HSPA12A: variants seen among roughly 807,000 people sequenced by gnomAD.
HSPA12A encodes heat shock 70 kDa protein 12A.
Under a neutral mutation model 69.2 loss-of-function variants are expected in HSPA12A, and 28 were observed. The ratio of observed to expected loss-of-function variants is 0.40; its 90% CI spans 0.30 to 0.55. The LOEUF (loss-of-function observed/expected upper bound fraction) is 0.55. Ranked by LOEUF, HSPA12A falls within the 20% of genes least tolerant of loss-of-function variation. The pLI is 0.38. For synonymous variants in HSPA12A, 345 were observed against 370.5 expected (o/e 0.93, Z 0.79); for missense variants, 686 against 900.7 (o/e 0.76, Z 3.05).
intron 2 of HSPA12A, among the ~76,000 whole-genome samples, chr10:116,815,217 G>A (rs1378980420): frequency 7.5e-6 from 1 of 133,390 alleles, no homozygotes; most frequent in East Asian, 2.2e-4. Flanking sequence ...TGCCCAGAGT[G>A]GTGGATATCC....
intron 5 of HSPA12A, chr10:116,698,409 T>C: frequency 2.4e-6 from 1 of 423,516 alleles, no homozygotes; most frequent in Non-Finnish European, 4.2e-6. Context: ...CTCTGTGCTT[T>C]ACTTTTTTAG....
intron 2 of HSPA12A, among the ~76,000 whole-genome samples, chr10:116,819,330 C>T (rs1431815313): frequency 6.6e-6 from 1 of 152,180 alleles, no homozygotes; most frequent in Non-Finnish European, 1.5e-5. Context: ...AGACAATTCC[C>T]CTTGCACTTT....
chr10:116,825,091 G>T (rs1589727378), intron 2 of HSPA12A, among the ~76,000 whole-genome samples: 1 of 151,962 alleles, frequency 6.6e-6, no homozygotes, highest in East Asian at 2.0e-4. Context: ...GGGGGCTGTG[G>T]TGGGGGAATC....
intron 2 of HSPA12A, among the ~76,000 whole-genome samples, chr10:116,771,874 G>A (rs181278313): frequency 2.4e-4 from 37 of 152,298 alleles, no homozygotes; most frequent in African/African-American, 7.9e-4. Context: ...CGGTGGGGAG[G>A]TGGCATCCTC....
chr10:116,705,756 G>A (rs1850223850), intron 2 of HSPA12A, among the ~76,000 whole-genome samples: 1 of 152,340 alleles, frequency 6.6e-6, no homozygotes, highest in African/African-American at 2.4e-5. Flanking sequence ...CATGTGAGCA[G>A]GGCTGGGCAT....
chr10:116,754,049 C>T (rs192318917), intron 2 of HSPA12A, among the ~76,000 whole-genome samples: 1 of 152,204 alleles, frequency 6.6e-6, no homozygotes, highest in South Asian at 2.1e-4. Context: ...ACGGGCCGGG[C>T]CTTCCTCTCC....
intron 2 of HSPA12A, among the ~76,000 whole-genome samples, chr10:116,781,693 C>T (rs1262658607): frequency 2.0e-5 from 3 of 152,186 alleles, no homozygotes; most frequent in African/African-American, 4.8e-5. Context: ...CCTTCATTCT[C>T]TTGCCTCACT....
At chr10:116,797,657 T>C (rs1844859198) in intron 2 of HSPA12A, among the ~76,000 whole-genome samples, 1 of 152,096 alleles carries the variant, frequency 6.6e-6, no homozygotes, top group South Asian at 2.1e-4. Context: ...GTTTAGTAGA[T>C]GAAGGGACAG....
intron 1 of HSPA12A, chr10:116,849,402 A>T: frequency 1.1e-6 from 1 of 923,864 alleles, no homozygotes; most frequent in Non-Finnish European, 1.5e-6. Flanking sequence ...GAGCGCAAAT[A>T]CCATCCTAGC....
chr10:116,729,102 G>T (rs1420947334), intron 1 of HSPA12A, among the ~76,000 whole-genome samples: 1 of 152,190 alleles, frequency 6.6e-6, no homozygotes, highest in East Asian at 1.9e-4. Context: ...CTCAGTTCTA[G>T]TGGGTTCTCA....
At chr10:116,769,656 C>T (rs1844154901) in intron 2 of HSPA12A, among the ~76,000 whole-genome samples, 1 of 152,170 alleles carries the variant, frequency 6.6e-6, no homozygotes, top group Non-Finnish European at 1.5e-5. Context: ...CACTTCATGG[C>T]TCAGAAACAT....
rs868970051 is a variant in HSPA12A at position 116,674,864 on chromosome 10, C to G, written c.1945G>C (p.Gly649Arg). 4 of 1,613,856 alleles carry G rather than the reference C, an allele frequency of 2.5e-6. No homozygotes were observed. ...RREIQTLMQFGDTEIKATAID... is the reference protein window; with the variant it reads ...RREIQTLMQFRDTEIKATAID... The stretch of plus-strand genomic sequence containing the variant: ...GCTGTGGCTTTGATCTCGGTGTCCC[C>G]GAACTGCATAAGGGTCTGGATCTCC... Residue 649 changes from glycine to arginine, a missense_variant, in exon 12 of 12, where the codon GGG (glycine) becomes CGG (arginine). Gly to Arg is a moderately radical substitution (Grantham distance 125). Coordinates refer to ENST00000369209, the MANE Select transcript of HSPA12A (RefSeq NM_025015.3).
chr10:116,686,461 C>A lies in HSPA12A; in HGVS notation c.664-2499G>T, dbSNP rs1295779537. ...CTGCCAGGCCTGTATGTATACAATTCTCCTCCAAAGTTCAAACTTGAAAAT... is the reference window on the plus strand; with the variant it reads ...CTGCCAGGCCTGTATGTATACAATTATCCTCCAAAGTTCAAACTTGAAAAT... On this transcript the variant is annotated intron_variant, in intron 6 of 11. Coordinates refer to ENST00000369209, the MANE Select transcript of HSPA12A (RefSeq NM_025015.3). This position sits in a 1 kb window ranked among gnomAD's most constrained non-coding sequence, Gnocchi z 4.1. 6.6e-6 allele frequency among the ~76,000 whole-genome samples: 1 copy of A among 152,180 alleles called. No homozygotes were observed. Among genetic ancestry groups the A allele is most frequent in the Non-Finnish European group, 1.5e-5 (1 of 68,030 alleles).
intron 2 of HSPA12A, among the ~76,000 whole-genome samples, chr10:116,821,596 G>A (rs1282393573): frequency 6.6e-6 from 1 of 152,246 alleles, no homozygotes; most frequent in Non-Finnish European, 1.5e-5. Flanking sequence ...AGCCCCATGA[G>A]GGCAGGGATT....
chr10:116,682,981 G>A (rs1849465316), intron 7 of HSPA12A, among the ~76,000 whole-genome samples: 1 of 151,224 alleles, frequency 6.6e-6, no homozygotes, highest in Admixed American at 6.6e-5. Context: ...GGGATTACAG[G>A]TGTAAGCCAC....
At chr10:116,751,485 A>G (rs1244520522) in intron 2 of HSPA12A, among the ~76,000 whole-genome samples, 1 of 152,216 alleles carries the variant, frequency 6.6e-6, no homozygotes, top group Non-Finnish European at 1.5e-5. Context: ...GATTTCCATT[A>G]CTTGTTTCTA....
chr10:116,703,653 G>A (rs943081231), intron 3 of HSPA12A, among the ~76,000 whole-genome samples: 1 of 152,232 alleles, frequency 6.6e-6, no homozygotes, highest in Non-Finnish European at 1.5e-5. Context: ...TATCTTCAGA[G>A]TCATCCCTTG....
chr10:116,679,477 A>G (rs1849338963), intron 10 of HSPA12A, 26 bp downstream of exon 10: 1 of 1,608,538 alleles, frequency 6.2e-7, no homozygotes, highest in African/African-American at 1.3e-5. Flanking sequence ...GAATGTCCAG[A>G]GCCCGAGGTG....
At chr10:116,808,394 G>A (rs1194765059) in intron 2 of HSPA12A, among the ~76,000 whole-genome samples, 1 of 152,102 alleles carries the variant, frequency 6.6e-6, no homozygotes, top group African/African-American at 2.4e-5. Flanking sequence ...TCCTCTGTTG[G>A]TCGCCCCAAG....
Sources: allele counts gnomAD v4.1 joint callset (sites outside exome capture counted in the v4.1 genomes callset), GRCh38; gene constraint gnomAD v4.1.1; non-coding constraint Gnocchi (gnomAD v3.1); transcripts MANE v1.5; gene names NCBI Gene and HGNC (gene_info 2026-07-23, HGNC 2026-07-21).